The following XRRA1 variants were observed in gnomAD, a reference collection of about 807,000 sequenced individuals.
XRRA1 encodes X-ray radiation resistance-associated protein 1.
XRRA1 carries 69 observed loss-of-function variants against 80.2 expected under a neutral mutation model. The ratio of observed to expected loss-of-function variants is 0.86; its 90% CI spans 0.71 to 1.05. The LOEUF is 1.05. Ranked by LOEUF, XRRA1 falls within the 50% of genes least tolerant of loss-of-function variation. The pLI, the probability that XRRA1 is intolerant of heterozygous loss-of-function variation, is 0.00. For missense variants in XRRA1, 967 were observed against 976.4 expected (o/e 0.99, Z 0.13); for synonymous variants, 348 against 389.9 (o/e 0.89, Z 1.27).
intron 7 of XRRA1, among the ~76,000 whole-genome samples, chr11:74,921,752 T>C (rs533872430): frequency 4.7e-4 from 71 of 152,176 alleles, no homozygotes; most frequent in Non-Finnish European, 8.7e-4. Flanking sequence ...CCCCTAACTT[T>C]GACTGCTTTA....
intron 10 of XRRA1, among the ~76,000 whole-genome samples, chr11:74,882,541 C>G (rs1011372181): frequency 6.6e-6 from 1 of 152,142 alleles, no homozygotes; most frequent in Non-Finnish European, 1.5e-5. Context: ...AGGTTTGTTC[C>G]GTTGCTGGTG....
intron 10 of XRRA1, among the ~76,000 whole-genome samples, chr11:74,896,634 TG>T (rs2137627346): frequency 6.6e-6 from 1 of 152,278 alleles, no homozygotes; most frequent in Non-Finnish European, 1.5e-5. Context: ...CAAAGCCCAG[TG>T]CTGTGTTGGC....
chr11:74,928,614 TG>T (rs1180946275), intron 6 of XRRA1, among the ~76,000 whole-genome samples: 1 of 152,184 alleles, frequency 6.6e-6, no homozygotes, highest in Admixed American at 6.5e-5. Context: ...CTGATGCTGT[TG>T]TACTGGCATT....
intron 10 of XRRA1, among the ~76,000 whole-genome samples, chr11:74,865,294 A>G (rs2043165229): frequency 6.6e-6 from 1 of 152,178 alleles, no homozygotes. Flanking sequence ...GTGTGGGCCC[A>G]GTCTGCGATT....
At chr11:74,844,091 CCCAAGGTGACA>C in intron 17 of XRRA1, 66 bp downstream of exon 17, 1 of 1,497,090 alleles carries the variant, frequency 6.7e-7, no homozygotes, top group Non-Finnish European at 9.3e-7. Flanking sequence ...CTCAGAGGGT[CCCAAGGTGACA>C]GCCACATCTG....
intron 6 of XRRA1, among the ~76,000 whole-genome samples, chr11:74,928,921 A>C (rs1358863314): frequency 6.6e-6 from 1 of 152,138 alleles, no homozygotes; most frequent in African/African-American, 2.4e-5. Flanking sequence ...CTCCCTACCA[A>C]TGCTGGCTGT....
At chr11:74,923,922 T>C (rs1941562381) in intron 7 of XRRA1, among the ~76,000 whole-genome samples, 1 of 152,150 alleles carries the variant, frequency 6.6e-6, no homozygotes, top group African/African-American at 2.4e-5. Context: ...GGTGTGAACA[T>C]GGCTCACTGA....
In XRRA1 at chr11:74,881,854, G is replaced by C. The variant is rs1385658115; in HGVS notation, c.1004-18833C>G. Among the ~76,000 whole-genome samples the C allele has an allele frequency of 4.6e-3, 681 of 149,392 alleles. 6 individuals are homozygous for C. The highest frequency in any genetic ancestry group is 0.016 in the African/African-American group (631 of 40,324). ...ATTGGCCCCCACTCTCTTCTGGCTT[G>C]TAGGGTTTCTGCCGAGAGATCCGCT... On this transcript the variant is annotated intron_variant, in intron 10 of 18. Transcript: ENST00000684022.
At chr11:74,913,197 A>G (rs773409348) in intron 8 of XRRA1, among the ~76,000 whole-genome samples, 1 of 152,246 alleles carries the variant, frequency 6.6e-6, no homozygotes, top group Non-Finnish European at 1.5e-5. Context: ...GAAGTGTCCA[A>G]TTGAAACCCC....
chr11:74,907,994 C>G (rs2055015040), intron 8 of XRRA1, among the ~76,000 whole-genome samples: 2 of 152,086 alleles, frequency 1.3e-5, no homozygotes, highest in Non-Finnish European at 2.9e-5. Flanking sequence ...TAGATGAGAC[C>G]TAGGTAACTC....
intron 10 of XRRA1, among the ~76,000 whole-genome samples, chr11:74,866,808 GGAA>G (rs1165807287): frequency 4.6e-5 from 7 of 151,832 alleles, no homozygotes; most frequent in Admixed American, 1.3e-4. Context: ...GGAGAAAAAA[GGAA>G]GAAGAATGAA....
chr11:74,860,415 T>C (rs942639439), intron 11 of XRRA1, among the ~76,000 whole-genome samples: 2 of 152,152 alleles, frequency 1.3e-5, no homozygotes, highest in African/African-American at 4.8e-5. Flanking sequence ...CATACTGCAG[T>C]ACAGAAAAGG....
At chr11:74,935,840 T>C (rs74870306) in intron 4 of XRRA1, among the ~76,000 whole-genome samples, 8,878 of 152,158 alleles carry the variant, frequency 0.058, 879 homozygotes, top group African/African-American at 0.2. Flanking sequence ...GGTAACAAGC[T>C]GTATTTATTG....
chr11:74,899,078 G>C (rs1006756908), intron 10 of XRRA1, among the ~76,000 whole-genome samples: 1 of 151,988 alleles, frequency 6.6e-6, no homozygotes, highest in African/African-American at 2.4e-5. Flanking sequence ...GACCATAATG[G>C]AATAAAATTA....
intron 15 of XRRA1, among the ~76,000 whole-genome samples, chr11:74,846,992 C>T (rs1271618597): frequency 3.3e-5 from 5 of 151,432 alleles, no homozygotes; most frequent in African/African-American, 1.2e-4. Flanking sequence ...GAGCTCAGAA[C>T]TGCATTTTGT....
chr11:74,948,619 T>C (rs1236178126), intron 1 of XRRA1, among the ~76,000 whole-genome samples: 1 of 152,250 alleles, frequency 6.6e-6, no homozygotes, highest in African/African-American at 2.4e-5. Context: ...ACATGCTATC[T>C]GGCTTTGGGT....
chr11:74,947,706 G>A (rs551435721), intron 1 of XRRA1, among the ~76,000 whole-genome samples: 1 of 152,228 alleles, frequency 6.6e-6, no homozygotes, highest in East Asian at 1.9e-4. Context: ...AATATCATCT[G>A]ATGTTATTGC....
chr11:74,926,864 C>T (rs1217870537), intron 7 of XRRA1, among the ~76,000 whole-genome samples: 1 of 152,178 alleles, frequency 6.6e-6, no homozygotes. Flanking sequence ...TATTCATACT[C>T]ATCTCCGAGG....
At chr11:74,846,683 A>AG (rs1044151177) in intron 15 of XRRA1, among the ~76,000 whole-genome samples, 3 of 152,186 alleles carry the variant, frequency 2.0e-5, no homozygotes, top group Non-Finnish European at 2.9e-5. Flanking sequence ...CAGTAGACAT[A>AG]GGAAAAGCCC....
Sources: gnomAD v4.1 joint callset for allele counts (sites outside exome capture counted in the v4.1 genomes callset) on GRCh38, gnomAD v4.1.1 for gene constraint, MANE v1.5 for transcripts, NCBI Gene and HGNC (gene_info 2026-07-23, HGNC 2026-07-21) for gene names.